Variants in TENM3 observed in about 807,000 individuals in gnomAD.
TENM3 encodes teneurin-3.
TENM3 carries 63 observed loss-of-function variants against 255.1 expected under a neutral mutation model. That is an observed-to-expected ratio of 0.25 (90% CI 0.20 to 0.30). TENM3 has a LOEUF of 0.30. Among genes scored for constraint, TENM3 ranks in the 10% least tolerant of loss-of-function variants. The probability of loss-of-function intolerance (pLI) is 1.00; values close to 1 mark genes in which losing one functional copy is unlikely to be tolerated. For synonymous variants in TENM3, 1,306 were observed against 1,322.3 expected, an observed-to-expected ratio of 0.99 and a Z score of 0.27; for missense variants, 2,929 against 3,461.1, an observed-to-expected ratio of 0.85 and a Z score of 3.86.
the TENM3 span, among the ~76,000 whole-genome samples, chr4:181,635,849 A>G: frequency 1.3e-5 from 2 of 152,146 alleles, no homozygotes; most frequent in Admixed American, 6.5e-5. Flanking sequence ...CCTCACATAG[A>G]TCAAATCAAG....
chr4:181,739,915 G>A, the TENM3 span, among the ~76,000 whole-genome samples: 1 of 152,146 alleles, frequency 6.6e-6, no homozygotes, highest in African/African-American at 2.4e-5. Flanking sequence ...AAAATCACTT[G>A]GCATCATCTG....
chr4:181,844,583 G>T, the TENM3 span, among the ~76,000 whole-genome samples: 1 of 151,818 alleles, frequency 6.6e-6, no homozygotes, highest in African/African-American at 2.4e-5. Flanking sequence ...CAGGAGAATG[G>T]CGTGAACCCG....
In TENM3 at chr4:182,571,405, A is replaced by T. The variant is rs555564432; in HGVS notation, c.512-29519A>T. Reference sequence around the variant, plus strand: ...GCTGGGCATGGTGACATGTGCCTGTAGTCCCAGCTCCTCAGGAGGCTGAGG... The same window carrying T: ...GCTGGGCATGGTGACATGTGCCTGTTGTCCCAGCTCCTCAGGAGGCTGAGG... On this transcript the variant is annotated intron_variant, in intron 3 of 27. Transcript: ENST00000511685. Among the ~76,000 whole-genome samples, 3 of 152,274 alleles carry T rather than the reference A, an allele frequency of 2.0e-5. No individual in the cohort carries two copies. The South Asian group carries it at 6.2e-4, about 32-fold the overall frequency.
At chr4:181,590,488 T>G in the TENM3 span, among the ~76,000 whole-genome samples, 1 of 152,180 alleles carries the variant, frequency 6.6e-6, no homozygotes. Context: ...GGGGAGCTCC[T>G]TACCGAGGAA....
intron 1 of TENM3, among the ~76,000 whole-genome samples, chr4:182,212,028 G>A (rs1397214716): frequency 6.6e-6 from 1 of 152,054 alleles, no homozygotes; most frequent in Non-Finnish European, 1.5e-5. Flanking sequence ...ATTAAACCAA[G>A]TAAAATGTAC....
chr4:182,157,334 A>G (rs1230849228), intron 1 of TENM3, among the ~76,000 whole-genome samples: 1 of 152,132 alleles, frequency 6.6e-6, no homozygotes, highest in African/African-American at 2.4e-5. Context: ...AAAGCTGACC[A>G]TTTGCCTCCT....
the TENM3 span, among the ~76,000 whole-genome samples, chr4:181,710,981 T>C: frequency 1.3e-5 from 2 of 151,976 alleles, no homozygotes; most frequent in African/African-American, 4.8e-5. Flanking sequence ...TACTTTTAAA[T>C]ATAATGTATA....
chr4:182,118,394 A>T, the TENM3 span, among the ~76,000 whole-genome samples: 5 of 152,160 alleles, frequency 3.3e-5, no homozygotes, highest in Non-Finnish European at 7.3e-5. Context: ...GTTTCTCACT[A>T]TGAAGTATAA....
upstream of TENM3, among the ~76,000 whole-genome samples, chr4:182,242,015 C>T (rs867864442): frequency 0.026 from 2,258 of 87,848 alleles, 213 homozygotes; most frequent in African/African-American, 0.11. Flanking sequence ...TTTTTTTTTT[C>T]CTCTCTCTTT....
upstream of TENM3, among the ~76,000 whole-genome samples, chr4:182,140,608 T>C: frequency 6.6e-6 from 1 of 152,188 alleles, no homozygotes; most frequent in East Asian, 1.9e-4. Context: ...GAGAGCCTAA[T>C]ACCTGCCTGA....
At chr4:181,582,500 G>A in the TENM3 span, among the ~76,000 whole-genome samples, 1 of 151,826 alleles carries the variant, frequency 6.6e-6, no homozygotes, top group Non-Finnish European at 1.5e-5. Context: ...CCCACGGTCT[G>A]GGAAGTAGTG....
intron 3 of TENM3, among the ~76,000 whole-genome samples, chr4:182,392,718 G>C (rs1468517262): frequency 1.3e-5 from 2 of 152,192 alleles, no homozygotes; most frequent in Non-Finnish European, 2.9e-5. Flanking sequence ...GAACAGTAGA[G>C]AAATAGAGGC....
the TENM3 span, among the ~76,000 whole-genome samples, chr4:182,080,244 G>C: frequency 1.3e-5 from 2 of 152,136 alleles, no homozygotes; most frequent in Non-Finnish European, 2.9e-5. Context: ...GGGACTTGGA[G>C]CTGTAAAATA....
chr4:181,552,599 C>T, the TENM3 span, among the ~76,000 whole-genome samples: 1 of 152,156 alleles, frequency 6.6e-6, no homozygotes, highest in Non-Finnish European at 1.5e-5. Flanking sequence ...ATTTTGAGAA[C>T]GTGCCATATC....
chr4:182,417,406 A>AAACC (rs1321184452), intron 3 of TENM3, among the ~76,000 whole-genome samples: 1 of 152,226 alleles, frequency 6.6e-6, no homozygotes, highest in Non-Finnish European at 1.5e-5. Flanking sequence ...ATAAACATAT[A>AAACC]ATACCATTGT....
chr4:182,365,537 A>C (rs1285751954), intron 3 of TENM3, among the ~76,000 whole-genome samples: 1 of 152,220 alleles, frequency 6.6e-6, no homozygotes, highest in Non-Finnish European at 1.5e-5. Context: ...TTTTTACTAC[A>C]GATTCTAGGT....
At chr4:182,245,139 G>T (rs1421289694) in intron 1 of TENM3, among the ~76,000 whole-genome samples, 2 of 152,176 alleles carry the variant, frequency 1.3e-5, no homozygotes, top group Non-Finnish European at 2.9e-5. Flanking sequence ...GGGTCTGCAT[G>T]CTGGAATCAT....
chr4:181,863,352 A>T, the TENM3 span, among the ~76,000 whole-genome samples: 1 of 152,198 alleles, frequency 6.6e-6, no homozygotes. Context: ...AATACTGACT[A>T]CTAAATAAAA....
Position 182,621,683 on chromosome 4 carries a change from A to ATTT in TENM3, c.750-6967_750-6966insTTT, listed in dbSNP as rs1750197542. 2.1e-4 allele frequency among the ~76,000 whole-genome samples: 4 copies of ATTT among 18,796 alleles called. No individual in the cohort carries two copies. In the South Asian group the frequency reaches 0.017, roughly 80 times the overall value. 12.3% of individuals were successfully genotyped at this position (18,796 alleles called of 152,430 possible). On this transcript the variant is annotated intron_variant, in intron 4 of 27. Coordinates refer to ENST00000511685, the MANE Select transcript of TENM3 (RefSeq NM_001080477.4). ...ATAATATGTATTATATATATAAAAT[A>ATTT]TATAATATATATTATATATAAAATA...
Sources: gnomAD v4.1 joint callset for allele counts (sites outside exome capture counted in the v4.1 genomes callset) on GRCh38, gnomAD v4.1.1 for gene constraint, MANE v1.5 for transcripts, NCBI Gene and HGNC (gene_info 2026-07-23, HGNC 2026-07-21) for gene names.